Variants in SMIM14 observed in about 807,000 individuals in gnomAD.
SMIM14 encodes the protein chromosome 4 open reading frame 34.
A neutral mutation model predicts 12.6 loss-of-function variants in SMIM14; 5 were observed. The observed-to-expected ratio is 0.40, with a 90% CI of 0.21 to 0.83. SMIM14 has a LOEUF of 0.83. Among genes scored for constraint, SMIM14 ranks in the 40% least tolerant of loss-of-function variants. The pLI, the probability that SMIM14 is intolerant of heterozygous loss-of-function variation, is 0.37. For missense variants in SMIM14, 86 were observed against 119.1 expected (o/e 0.72, Z 1.29); for synonymous variants, 30 against 40.1 (o/e 0.75, Z 0.95).
chr4:39,571,185 C>G (rs1712860530), intron 3 of SMIM14, among the ~76,000 whole-genome samples: 1 of 152,018 alleles, frequency 6.6e-6, no homozygotes, highest in Non-Finnish European at 1.5e-5. Context: ...TCTCCACTGC[C>G]AAATTCTCTG....
chr4:39,556,613 A>G (rs754160216), intron 3 of SMIM14, 43 bp from the exon 4 acceptor site: 1 of 1,517,406 alleles, frequency 6.6e-7, no homozygotes. Flanking sequence ...AATATTGTTA[A>G]AAGTAAAAAC....
At chr4:39,627,346 A>C (rs1715739915) in intron 1 of SMIM14, among the ~76,000 whole-genome samples, 1 of 151,946 alleles carries the variant, frequency 6.6e-6, no homozygotes, top group Non-Finnish European at 1.5e-5. Flanking sequence ...CTTTACCTCT[A>C]TCTGACTCCT....
chr4:39,567,177 G>A (rs1345315622), intron 3 of SMIM14, among the ~76,000 whole-genome samples: 3 of 135,468 alleles, frequency 2.2e-5, no homozygotes, highest in South Asian at 2.5e-4. Flanking sequence ...AAAGGAAGCC[G>A]CAATGTGACA....
At chr4:39,612,025 G>A (rs1410902166) in intron 1 of SMIM14, 1 of 151,900 alleles carries the variant, frequency 6.6e-6, no homozygotes, top group Non-Finnish European at 1.5e-5. Flanking sequence ...TGCGGCCTGA[G>A]CTGGAGAGGC....
chr4:39,568,278 C>CAA (rs958053391), intron 3 of SMIM14, among the ~76,000 whole-genome samples: 12 of 116,110 alleles, frequency 1.0e-4, no homozygotes, highest in African/African-American at 1.6e-4. Flanking sequence ...GACTCCTTCT[C>CAA]AAAAAAAAAA....
At chr4:39,574,168 G>T (rs1006327669) in intron 2 of SMIM14, among the ~76,000 whole-genome samples, 1 of 151,524 alleles carries the variant, frequency 6.6e-6, no homozygotes, top group Non-Finnish European at 1.5e-5. Context: ...TGGTGCAGTA[G>T]TGCTTAGATG....
At chr4:39,588,860 A>G (rs886242329) in intron 2 of SMIM14, among the ~76,000 whole-genome samples, 9 of 152,078 alleles carry the variant, frequency 5.9e-5, no homozygotes, top group African/African-American at 2.2e-4. Context: ...ATATTTTACA[A>G]AAGTTTTAAC....
At chr4:39,599,461 A>T (rs1714512522) in intron 2 of SMIM14, among the ~76,000 whole-genome samples, 1 of 152,176 alleles carries the variant, frequency 6.6e-6, no homozygotes, top group African/African-American at 2.4e-5. Context: ...TGGGGGTAGC[A>T]AGAGGGCAGA....
chr4:39,635,945 G>C (rs1716069014), intron 1 of SMIM14, among the ~76,000 whole-genome samples: 1 of 151,904 alleles, frequency 6.6e-6, no homozygotes, highest in African/African-American at 2.4e-5. Flanking sequence ...GGCCAAGGTG[G>C]GCAGATCACT....
intron 1 of SMIM14, among the ~76,000 whole-genome samples, chr4:39,614,185 C>CAAAAAAAAAAAA (rs60332502): frequency 2.9e-5 from 3 of 102,268 alleles, no homozygotes; most frequent in East Asian, 3.0e-4. Context: ...AACTCCATTA[C>CAAAAAAAAAAAA]AAAAAAAAAA....
At chr4:39,622,149 T>C (rs1715520822) in intron 1 of SMIM14, among the ~76,000 whole-genome samples, 1 of 151,870 alleles carries the variant, frequency 6.6e-6, no homozygotes, top group South Asian at 2.1e-4. Flanking sequence ...AGTGGCACGA[T>C]CTCGGTTCAC....
rs564632993 is a variant in SMIM14 at position 39,580,086 on chromosome 4, G to A, written c.76-7623C>T. On this transcript the variant is annotated intron_variant, in intron 2 of 4. Transcript: ENST00000295958. Reference sequence around the variant, plus strand: ...TCTGCTCAAGAACCTCATATGTGTTGGAGATGTTCTTCTTTCTCATTCAAC... The same window carrying A: ...TCTGCTCAAGAACCTCATATGTGTTAGAGATGTTCTTCTTTCTCATTCAAC... Among the ~76,000 whole-genome samples the A allele has an allele frequency of 1.2e-4, 18 of 152,272 alleles. No homozygotes were observed. In the South Asian group the frequency reaches 1.9e-3, roughly 16 times the overall value.
chr4:39,634,000 C>T (rs1716003246), intron 1 of SMIM14, among the ~76,000 whole-genome samples: 1 of 152,222 alleles, frequency 6.6e-6, no homozygotes, highest in African/African-American at 2.4e-5. Context: ...GGCACAATGG[C>T]TCACTGCAAC....
chr4:39,615,219 G>A (rs58335162), intron 1 of SMIM14, among the ~76,000 whole-genome samples: 10,663 of 152,176 alleles, frequency 0.07, 1,254 homozygotes, highest in African/African-American at 0.24. Flanking sequence ...ACAGGCGTGA[G>A]CCACGACCTC....
Position 39,595,165 on chromosome 4 carries a change from C to T in SMIM14, c.75+9906G>A, listed in dbSNP as rs1275281714. ...ACTCGGAACCAACCCAAATGTCCAA[C>T]GATGATAGACTGGATTAAGAAAACG... On this transcript the variant is annotated intron_variant, in intron 2 of 4. Transcript: ENST00000295958. 2.8e-5 allele frequency among the ~76,000 whole-genome samples: 4 copies of T among 143,660 alleles called. No individual in the cohort carries two copies. In the East Asian group the frequency reaches 6.0e-4, roughly 22 times the overall value. 94.2% of individuals were successfully genotyped at this position (143,660 alleles called of 152,430 possible).
intron 1 of SMIM14, among the ~76,000 whole-genome samples, chr4:39,635,430 A>G (rs1212185598): frequency 6.6e-6 from 1 of 152,158 alleles, no homozygotes; most frequent in African/African-American, 2.4e-5. Flanking sequence ...ATTTTAAAGG[A>G]TCTCTTAGGC....
At chr4:39,565,072 G>T (rs1234410008) in intron 3 of SMIM14, among the ~76,000 whole-genome samples, 3 of 152,020 alleles carry the variant, frequency 2.0e-5, no homozygotes, top group Non-Finnish European at 4.4e-5. Context: ...AACAAAATCA[G>T]CCAAGTGTGG....
Position 39,548,562 on chromosome 4 carries a change from T to C in SMIM14, c.*3564A>G, listed in dbSNP as rs963583972. ...AGCCAAAACTGTGAAAATGTAAGCTTTATCTTTCTTTTTTCCTAGATTATT... is the reference window on the plus strand; with the variant it reads ...AGCCAAAACTGTGAAAATGTAAGCTCTATCTTTCTTTTTTCCTAGATTATT... On this transcript the variant is annotated 3_prime_UTR_variant, in exon 5 of 5. Coordinates refer to ENST00000295958, the MANE Select transcript of SMIM14 (RefSeq NM_174921.3). The C allele has an allele frequency of 2.8e-4, 42 of 152,172 alleles. No homozygotes were observed. Among genetic ancestry groups the C allele is most frequent in the African/African-American group, 9.9e-4 (41 of 41,448 alleles). 9.4% of individuals were successfully genotyped at this position (152,172 alleles called of 1,614,324 possible). A position where few individuals can be genotyped will look rare whatever the true frequency, so the allele number is the denominator to read the frequency against.
intron 1 of SMIM14, among the ~76,000 whole-genome samples, chr4:39,630,091 T>C (rs954689321): frequency 1.3e-5 from 2 of 152,224 alleles, no homozygotes; most frequent in African/African-American, 4.8e-5. Context: ...CTTGTCTATA[T>C]GATTTCTCTG....
Sources: gnomAD v4.1 joint callset for allele counts (sites outside exome capture counted in the v4.1 genomes callset) on GRCh38, gnomAD v4.1.1 for gene constraint, MANE v1.5 for transcripts, NCBI Gene and HGNC (gene_info 2026-07-23, HGNC 2026-07-21) for gene names.